The following SCD5 variants were observed in gnomAD, a reference collection of about 807,000 sequenced individuals.
SCD5 encodes the protein stearoyl-CoA desaturase 5, also known as acyl-CoA-desaturase 4.
Under a neutral mutation model 30.4 loss-of-function variants are expected in SCD5, and 20 were observed. The observed-to-expected ratio is 0.66, with a 90% confidence interval of 0.46 to 0.96. SCD5 has a LOEUF of 0.96. Among genes scored for constraint, SCD5 ranks in the 40% least tolerant of loss-of-function variants. The pLI is 0.00. For missense variants in SCD5, 381 were observed against 443.3 expected, an observed-to-expected ratio of 0.86 and a Z score of 1.26; for synonymous variants, 173 against 176.4, an observed-to-expected ratio of 0.98 and a Z score of 0.16.
At chr4:82,729,814 T>A (rs184073792) in intron 1 of SCD5, among the ~76,000 whole-genome samples, 1 of 152,238 alleles carries the variant, frequency 6.6e-6, no homozygotes, top group East Asian at 1.9e-4. Context: ...CAGAAGTGAA[T>A]CACCAGAGAT....
At chr4:82,655,676 G>A (rs6822801) in intron 3 of SCD5, among the ~76,000 whole-genome samples, 27,773 of 152,092 alleles carry the variant, frequency 0.18, 2,727 homozygotes, top group East Asian at 0.37. Context: ...AAGGAACAGG[G>A]ATTGGCAAAA....
chr4:82,639,899 C>G (rs867168516), intron 3 of SCD5, among the ~76,000 whole-genome samples: 1 of 152,200 alleles, frequency 6.6e-6, no homozygotes, highest in Non-Finnish European at 1.5e-5. Context: ...TCCCCACCCC[C>G]ATCTTGCTTC....
chr4:82,656,207 C>A (rs1326632821), intron 3 of SCD5, among the ~76,000 whole-genome samples: 1 of 152,104 alleles, frequency 6.6e-6, no homozygotes, highest in East Asian at 1.9e-4. Context: ...ATCAACCCAT[C>A]ACCTACATTA....
intron 4 of SCD5, among the ~76,000 whole-genome samples, chr4:82,635,884 C>T (rs1020442186): frequency 2.0e-5 from 3 of 152,186 alleles, no homozygotes; most frequent in Admixed American, 6.5e-5. Flanking sequence ...AATGCCAAGT[C>T]TCATTCCTTC....
At chr4:82,746,581 A>G (rs112211004) in intron 1 of SCD5, among the ~76,000 whole-genome samples, 17 of 152,296 alleles carry the variant, frequency 1.1e-4, no homozygotes, top group African/African-American at 3.8e-4. Context: ...ATTCCATACC[A>G]CAAGCCCTTC....
At chr4:82,677,850 C>G (rs1371442817) in intron 3 of SCD5, among the ~76,000 whole-genome samples, 1 of 151,978 alleles carries the variant, frequency 6.6e-6, no homozygotes, top group Non-Finnish European at 1.5e-5. Context: ...AACACACACT[C>G]ACATATTAGG....
chr4:82,738,443 T>C (rs1368103615), intron 1 of SCD5, among the ~76,000 whole-genome samples: 4 of 152,192 alleles, frequency 2.6e-5, no homozygotes, highest in Non-Finnish European at 5.9e-5. Context: ...TCACTGTCTG[T>C]TTCATGGCTT....
intron 1 of SCD5, among the ~76,000 whole-genome samples, chr4:82,757,644 T>G (rs570806951): frequency 1.6e-4 from 25 of 152,322 alleles, no homozygotes; most frequent in African/African-American, 6.0e-4. Context: ...GCTGGGCACA[T>G]ATCCCGGCTC....
chr4:82,783,914 T>G (rs1411989939), intron 1 of SCD5, among the ~76,000 whole-genome samples: 1 of 152,108 alleles, frequency 6.6e-6, no homozygotes, highest in Non-Finnish European at 1.5e-5. Flanking sequence ...ATTCTTGTTC[T>G]CAGAAAATAT....
chr4:82,773,819 C>A (rs1349088500), intron 1 of SCD5, among the ~76,000 whole-genome samples: 4 of 152,050 alleles, frequency 2.6e-5, no homozygotes, highest in Non-Finnish European at 5.9e-5. Context: ...CACATAGAGG[C>A]CGGGCGTGGT....
At chr4:82,736,290 A>C (rs1422244943) in intron 1 of SCD5, among the ~76,000 whole-genome samples, 1 of 151,750 alleles carries the variant, frequency 6.6e-6, no homozygotes, top group African/African-American at 2.4e-5. Flanking sequence ...CTGTCTAAGA[A>C]AAAACAAAAC....
intron 1 of SCD5, among the ~76,000 whole-genome samples, chr4:82,740,833 A>G (rs565747899): frequency 2.0e-5 from 3 of 152,384 alleles, no homozygotes; most frequent in Admixed American, 6.5e-5. Context: ...ATCTGCTCAG[A>G]AAAAGTCTAG....
At chr4:82,746,377 A>C (rs986835480) in intron 1 of SCD5, among the ~76,000 whole-genome samples, 1 of 152,360 alleles carries the variant, frequency 6.6e-6, no homozygotes. Context: ...ATGAGACTCC[A>C]TAAATGTGTC....
chr4:82,651,797 T>C (rs4693045), intron 3 of SCD5, among the ~76,000 whole-genome samples: 84,772 of 152,010 alleles, frequency 0.56, 24,685 homozygotes, highest in Admixed American at 0.68. Context: ...CCTGTAGTCC[T>C]AGCTACTTGG....
intron 1 of SCD5, among the ~76,000 whole-genome samples, chr4:82,760,651 C>T (rs1721344195): frequency 1.3e-5 from 2 of 152,152 alleles, no homozygotes; most frequent in Admixed American, 1.3e-4. Context: ...CACTCTCCAT[C>T]TTACCCAAGT....
At chr4:82,711,848 G>A (rs370213188) in intron 1 of SCD5, among the ~76,000 whole-genome samples, 12 of 151,828 alleles carry the variant, frequency 7.9e-5, no homozygotes, top group East Asian at 5.8e-4. Context: ...TTGATTCTTC[G>A]CACCTCTCTA....
At chr4:82,656,099 T>C (rs1727862197) in intron 3 of SCD5, among the ~76,000 whole-genome samples, 1 of 151,606 alleles carries the variant, frequency 6.6e-6, no homozygotes, top group South Asian at 2.1e-4. Flanking sequence ...TTATATATTT[T>C]ATTATTATTA....
intron 1 of SCD5, among the ~76,000 whole-genome samples, chr4:82,757,528 G>T (rs150487481): frequency 0.016 from 2,487 of 152,296 alleles, 25 homozygotes; most frequent in Non-Finnish European, 0.025. Context: ...ATCCAGAGAC[G>T]GGAATTATAC....
intron 1 of SCD5, among the ~76,000 whole-genome samples, chr4:82,706,481 G>A (rs987601513): frequency 1.3e-5 from 2 of 152,210 alleles, no homozygotes; most frequent in Non-Finnish European, 2.9e-5. Flanking sequence ...TCACAGCAGC[G>A]CCTGTACTGT....
Sources: gnomAD v4.1 joint callset for allele counts (sites outside exome capture counted in the v4.1 genomes callset) on GRCh38, gnomAD v4.1.1 for gene constraint, MANE v1.5 for transcripts, NCBI Gene and HGNC (gene_info 2026-07-23, HGNC 2026-07-21) for gene names.